LATS2: variants seen among roughly 807,000 people sequenced by gnomAD.
LATS2 encodes the protein large tumor suppressor kinase 2.
Under a neutral mutation model 76.0 loss-of-function variants are expected in LATS2, and 24 were observed. The ratio of observed to expected loss-of-function variants is 0.32; its 90% CI spans 0.23 to 0.44. The LOEUF (loss-of-function observed/expected upper bound fraction) is 0.44, where lower values mean the gene tolerates loss of function less well. LATS2 is among the 20% of genes least tolerant of loss of function. LATS2 has a pLI of 1.00. For missense variants in LATS2, 1,286 were observed against 1,481.2 expected (o/e 0.87, Z 2.16); for synonymous variants, 692 against 635.4 (o/e 1.09, Z -1.34).
rs1870486665 is a variant in LATS2 at position 20,991,068 on chromosome 13, A to G, written c.475+204T>C. Among the ~76,000 whole-genome samples, 1 of 152,216 alleles carries G rather than the reference A, an allele frequency of 6.6e-6. No homozygotes were observed. The highest frequency in any genetic ancestry group is 1.5e-5 in the Non-Finnish European group (1 of 68,036). ...ATGGGGCAAGCGCCAGGCGTGTCCC[A>G]CGGTCTACCACTTGGGGCTGCTCCC... On this transcript the variant is annotated intron_variant, in intron 3 of 7. Transcript: ENST00000382592. The surrounding 1 kb of genome is among the most constrained non-coding windows in gnomAD (Gnocchi z 4.9).
In LATS2 at chr13:20,991,927, G is replaced by A. The variant is rs877923; in HGVS notation, c.343-523C>T. Among the ~76,000 whole-genome samples, 11,598 of 152,218 alleles carry A rather than the reference G, an allele frequency of 0.076. 937 individuals are homozygous for A. Among genetic ancestry groups the A allele is most frequent in the East Asian group, 0.41 (2,108 of 5,154 alleles). ...ATGCTGGCTATAGCAGCGGAGGACT[G>A]GCCCTTAGAGATCTGACTCGTAGAA... is the stretch of plus-strand genomic sequence containing the variant. On this transcript the variant is annotated intron_variant, in intron 2 of 7. Coordinates refer to ENST00000382592, the MANE Select transcript of LATS2 (RefSeq NM_014572.3). This position sits in a 1 kb window ranked among gnomAD's most constrained non-coding sequence, Gnocchi z 4.9.
chr13:21,024,039 GC>G (rs1872197283), intron 2 of LATS2, among the ~76,000 whole-genome samples: 1 of 143,380 alleles, frequency 7.0e-6, no homozygotes, highest in African/African-American at 2.6e-5. Context: ...CTCGGGAAGG[GC>G]CCCCCAGGGA....
chr13:21,039,521 G>A (rs895189593), intron 2 of LATS2, among the ~76,000 whole-genome samples: 9 of 152,134 alleles, frequency 5.9e-5, no homozygotes, highest in African/African-American at 2.2e-4. Flanking sequence ...GAGGAGATCT[G>A]CATTTCTGGT....
chr13:20,988,123 C>G lies in LATS2; in HGVS notation c.1657G>C (p.Gly553Arg), dbSNP rs748732052. ...GCGCTTTTGCGGCTCTTGTCGCCGC[C>G]CTCGGGCTCGTTGGGGCCCGCACGG... is the stretch of plus-strand genomic sequence containing the variant. The part of the protein sequence containing the change: ...SLRAGPNEPE[G>R]GDKSRKSAKG... Residue 553 changes from glycine to arginine, a missense_variant, in exon 4 of 8, where the codon GGC (glycine) becomes CGC (arginine). Gly to Arg is a moderately radical substitution (Grantham distance 125, BLOSUM62 -2). This residue lies in a region of LATS2 where 710 missense variants were observed against 660.9 expected (regional missense o/e 1.07). Transcript: ENST00000382592. 1 of 1,614,252 alleles carries G rather than the reference C, an allele frequency of 6.2e-7. No individual in the cohort carries two copies. The highest frequency in any genetic ancestry group is 2.2e-5 in the East Asian group (1 of 44,878).
chr13:20,975,459 T>C (rs1319548264), intron 7 of LATS2, 95 bp from the exon 8 acceptor site: 1 of 1,305,018 alleles, frequency 7.7e-7, no homozygotes, highest in East Asian at 2.3e-5. Context: ...ATATGTTTAG[T>C]TTCACAATAG....
At chr13:20,994,412 C>A (rs1406561202) in intron 2 of LATS2, among the ~76,000 whole-genome samples, 1 of 152,188 alleles carries the variant, frequency 6.6e-6, no homozygotes, top group Non-Finnish European at 1.5e-5. Context: ...AAATGGGAAT[C>A]CACTTCTAAA....
At chr13:21,041,898 A>G (rs1595253170) in intron 2 of LATS2, among the ~76,000 whole-genome samples, 1 of 152,230 alleles carries the variant, frequency 6.6e-6, no homozygotes, top group Non-Finnish European at 1.5e-5. Context: ...CGACACCCCC[A>G]CCTACCCACA....
At chr13:20,984,224 G>A (rs1450258976) in intron 4 of LATS2, among the ~76,000 whole-genome samples, 1 of 152,174 alleles carries the variant, frequency 6.6e-6, no homozygotes, top group African/African-American at 2.4e-5. Context: ...TTGAGCCACT[G>A]TGCCCGGCCA....
At chr13:20,985,258 T>C (rs968072614) in intron 4 of LATS2, among the ~76,000 whole-genome samples, 2 of 152,020 alleles carry the variant, frequency 1.3e-5, no homozygotes, top group Non-Finnish European at 2.9e-5. Context: ...AACCCCAAAG[T>C]AGACAAATGG....
intron 2 of LATS2, among the ~76,000 whole-genome samples, chr13:21,020,258 C>G (rs926963897): frequency 6.6e-6 from 1 of 152,204 alleles, no homozygotes; most frequent in African/African-American, 2.4e-5. Context: ...TCCACTACAT[C>G]AGCCAAGTGA....
intron 2 of LATS2, among the ~76,000 whole-genome samples, chr13:21,011,714 G>T (rs915741294): frequency 2.0e-5 from 3 of 152,220 alleles, no homozygotes; most frequent in Non-Finnish European, 4.4e-5. Flanking sequence ...TTTCAAAAAT[G>T]ATAGAATGTA....
intron 6 of LATS2, 99 bp from the exon 7 acceptor site, chr13:20,979,896 G>T: frequency 3.0e-6 from 2 of 676,174 alleles, no homozygotes; most frequent in South Asian, 1.9e-5. Flanking sequence ...TGTTAAGTGG[G>T]AAAGCGCGTT....
At chr13:20,987,788 T>A (rs1196258466) in intron 4 of LATS2, 93 bp downstream of exon 4, 13 of 1,428,304 alleles carry the variant, frequency 9.1e-6, no homozygotes, top group Non-Finnish European at 1.2e-5. Context: ...ATAAGGGGTA[T>A]ACAGTCGAAA....
intron 3 of LATS2, among the ~76,000 whole-genome samples, chr13:20,990,958 T>TTTGC (rs1870482472): frequency 6.6e-6 from 1 of 152,246 alleles, no homozygotes; most frequent in African/African-American, 2.4e-5. Flanking sequence ...TTACGCCCGC[T>TTTGC]TTGCTGACTT....
intron 2 of LATS2, among the ~76,000 whole-genome samples, chr13:21,033,769 A>G (rs895678270): frequency 6.6e-6 from 1 of 151,230 alleles, no homozygotes; most frequent in African/African-American, 2.4e-5. Context: ...GTTGCTTCCA[A>G]TTTACATTAA....
chr13:21,047,688 C>T (rs959844142), intron 1 of LATS2, among the ~76,000 whole-genome samples: 1 of 150,868 alleles, frequency 6.6e-6, no homozygotes, highest in Non-Finnish European at 1.5e-5. Context: ...GCTTCACAGA[C>T]TTTTTCAAGT....
intron 1 of LATS2, among the ~76,000 whole-genome samples, chr13:21,056,209 G>C (rs1873444215): frequency 6.6e-6 from 1 of 152,004 alleles, no homozygotes; most frequent in African/African-American, 2.4e-5. Context: ...AGATCTGAGG[G>C]GGAGTTTCGC....
intron 2 of LATS2, among the ~76,000 whole-genome samples, chr13:21,029,848 G>A (rs1004982282): frequency 1.3e-5 from 2 of 152,126 alleles, no homozygotes; most frequent in East Asian, 1.9e-4. Flanking sequence ...TGTAATCCCA[G>A]CACTTTGGGA....
chr13:20,998,703 C>T (rs1054363489), intron 2 of LATS2, among the ~76,000 whole-genome samples: 5 of 152,188 alleles, frequency 3.3e-5, no homozygotes. Context: ...GCGCTCCCGG[C>T]GATCTTGGGC....
Sources: allele counts gnomAD v4.1 joint callset (sites outside exome capture counted in the v4.1 genomes callset), GRCh38; gene constraint gnomAD v4.1.1; regional missense constraint gnomAD v4.1.1; non-coding constraint Gnocchi (gnomAD v3.1); transcripts MANE v1.5; gene names NCBI Gene and HGNC (gene_info 2026-07-23, HGNC 2026-07-21).